PALD1: variants seen among roughly 807,000 people sequenced by gnomAD.
PALD1 encodes the protein paladin.
A neutral mutation model predicts 96.0 loss-of-function variants in PALD1; 57 were observed. The ratio of observed to expected loss-of-function variants is 0.59; its 90% CI spans 0.48 to 0.74. The LOEUF is 0.74. Ranked by LOEUF, PALD1 falls within the 30% of genes least tolerant of loss-of-function variation. The probability of loss-of-function intolerance (pLI) is 0.00; values close to 1 mark genes in which losing one functional copy is unlikely to be tolerated. For synonymous variants in PALD1, 464 were observed against 473.6 expected (o/e 0.98, Z 0.26); for missense variants, 1,063 against 1,143.7 (o/e 0.93, Z 1.02).
intron 1 of PALD1, among the ~76,000 whole-genome samples, chr10:70,497,369 G>T (rs543393951): frequency 6.6e-6 from 1 of 152,172 alleles, no homozygotes; most frequent in Non-Finnish European, 1.5e-5. Flanking sequence ...TGGGGCCGGC[G>T]CATGCCTGGC....
intron 1 of PALD1, among the ~76,000 whole-genome samples, chr10:70,503,762 A>ATTATT (rs1447673884): frequency 6.6e-6 from 1 of 152,222 alleles, no homozygotes; most frequent in Non-Finnish European, 1.5e-5. Context: ...TTTTTTATGC[A>ATTATT]GTCTGATCTG....
chr10:70,559,640 G>T (rs1280765742), intron 18 of PALD1, among the ~76,000 whole-genome samples: 3 of 152,134 alleles, frequency 2.0e-5, no homozygotes, highest in African/African-American at 7.2e-5. Context: ...TTTCCTGACT[G>T]ACTGGCCGTG....
At chr10:70,465,381 C>T in the PALD1 span, among the ~76,000 whole-genome samples, 1 of 152,036 alleles carries the variant, frequency 6.6e-6, no homozygotes, top group South Asian at 2.1e-4. Flanking sequence ...TAGACTTATC[C>T]CTGGTTACTC....
At chr10:70,561,007 G>A (rs1173676225) in intron 18 of PALD1, among the ~76,000 whole-genome samples, 1 of 152,210 alleles carries the variant, frequency 6.6e-6, no homozygotes, top group Non-Finnish European at 1.5e-5. Context: ...TCACAGACCT[G>A]TGATCCAGCA....
intron 1 of PALD1, among the ~76,000 whole-genome samples, chr10:70,488,940 A>G (rs61858138): frequency 0.15 from 21,751 of 148,402 alleles, 2,064 homozygotes; most frequent in African/African-American, 0.29. Context: ...GTATCCTCCT[A>G]CTGCTGGGGG....
chr10:70,495,476 A>G (rs1445307199), intron 1 of PALD1, among the ~76,000 whole-genome samples: 1 of 152,194 alleles, frequency 6.6e-6, no homozygotes, highest in Non-Finnish European at 1.5e-5. Flanking sequence ...GCCACCATTA[A>G]GCAGACAGGG....
intron 1 of PALD1, among the ~76,000 whole-genome samples, chr10:70,509,723 GGAGGACCTT>G (rs1467492631): frequency 6.6e-6 from 1 of 152,200 alleles, no homozygotes; most frequent in African/African-American, 2.4e-5. Context: ...TTAGGTCCTG[GGAGGACCTT>G]GAGGGCCTTG....
chr10:70,533,637 C>T (rs1847044385), intron 7 of PALD1, among the ~76,000 whole-genome samples: 1 of 152,228 alleles, frequency 6.6e-6, no homozygotes, highest in Non-Finnish European at 1.5e-5. Context: ...CCCTTCAGGG[C>T]ATTATCTTAT....
the PALD1 span, among the ~76,000 whole-genome samples, chr10:70,470,598 A>C: frequency 2.1e-5 from 3 of 144,386 alleles, no homozygotes; most frequent in East Asian, 3.9e-4. Context: ...ATAATAAATA[A>C]TATTATTTTT....
chr10:70,559,830 T>A (rs1192876093), intron 18 of PALD1, among the ~76,000 whole-genome samples: 1 of 152,094 alleles, frequency 6.6e-6, no homozygotes, highest in Admixed American at 6.5e-5. Flanking sequence ...TGCGGAGCAC[T>A]TGAGCTGCTG....
chr10:70,510,593 T>C (rs1212327779), intron 1 of PALD1, among the ~76,000 whole-genome samples: 6 of 152,182 alleles, frequency 3.9e-5, no homozygotes, highest in Non-Finnish European at 5.9e-5. Context: ...TCCTTCCTAA[T>C]TGTTACACTC....
chr10:70,467,223 G>A, the PALD1 span, among the ~76,000 whole-genome samples: 21 of 152,172 alleles, frequency 1.4e-4, no homozygotes, highest in African/African-American at 5.1e-4. Context: ...AGGCCCCCTG[G>A]GGAGCTGGAG....
intron 2 of PALD1, among the ~76,000 whole-genome samples, chr10:70,526,505 A>T (rs1476128587): frequency 6.6e-6 from 1 of 152,252 alleles, no homozygotes; most frequent in African/African-American, 2.4e-5. Context: ...GACAGTAATT[A>T]TGGCTCAAAA....
In PALD1 at chr10:70,537,888, C is replaced by A; in HGVS notation, c.1305C>A (p.Asn435Lys). Residue 435 changes from asparagine (N) to lysine (K), a missense_variant, in exon 11 of 20, where the codon AAC (asparagine) becomes AAA (lysine). By Grantham distance (94) the Asn-to-Lys change is moderately conservative. Coordinates refer to ENST00000263563, the MANE Select transcript of PALD1 (RefSeq NM_014431.3). The part of the protein sequence containing the change: ...LERYFYLILF[N>K]YYLHEQYPLA... ...GATACTTCTACCTGATCCTGTTTAA[C>A]TACTACCTTCATGAGCAGGTGGGGC... 1 of 1,612,050 alleles carries A rather than the reference C, an allele frequency of 6.2e-7. No individual in the cohort carries two copies. The highest frequency in any genetic ancestry group is 1.3e-5 in the African/African-American group (1 of 75,020).
chr10:70,479,891 C>T (rs924144238), intron 1 of PALD1, among the ~76,000 whole-genome samples: 1 of 151,998 alleles, frequency 6.6e-6, no homozygotes, highest in African/African-American at 2.4e-5. Context: ...AGGATTCTGT[C>T]CTCAGGAGGC....
At chr10:70,547,893 A>T (rs1847401400) in intron 18 of PALD1, among the ~76,000 whole-genome samples, 4 of 152,080 alleles carry the variant, frequency 2.6e-5, no homozygotes, top group Admixed American at 2.6e-4. Context: ...CACAACTAGC[A>T]CGGAGGCTGT....
intron 1 of PALD1, among the ~76,000 whole-genome samples, chr10:70,509,968 G>A (rs1846480256): frequency 6.6e-6 from 1 of 152,216 alleles, no homozygotes. Context: ...AAATAAGCGT[G>A]GGCTGTGCCG....
At chr10:70,529,208 G>GCACCCCCC in intron 2 of PALD1, 21 bp from the exon 3 acceptor site, 1 of 273,318 alleles carries the variant, frequency 3.7e-6, no homozygotes, top group African/African-American at 4.4e-5. Context: ...TTTCCATTCT[G>GCACCCCCC]CCCCCCCCCC....
In PALD1 at chr10:70,547,363, G is replaced by T. The variant is rs1235924505; in HGVS notation, c.2179G>T (p.Asp727Tyr). ...TGGGCACCGTGTGAAGAAGGAGGTG[G>T]ACGCAGCGCTGGACACTGTCAGCGA... Reference protein sequence around the residue: ...PDGHRVKKEVDAALDTVSETM... With the variant: ...PDGHRVKKEVYAALDTVSETM... Residue 727 changes from aspartate to tyrosine, a missense_variant, in exon 18 of 20, where the codon GAC becomes TAC. Coordinates refer to ENST00000263563, the MANE Select transcript of PALD1 (RefSeq NM_014431.3). The T allele has an allele frequency of 6.2e-7, 1 of 1,613,106 alleles. No homozygotes were observed. Among genetic ancestry groups the T allele is most frequent in the African/African-American group, 1.3e-5 (1 of 74,990 alleles).
Sources: allele counts gnomAD v4.1 joint callset (sites outside exome capture counted in the v4.1 genomes callset), GRCh38; gene constraint gnomAD v4.1.1; transcripts MANE v1.5; gene names NCBI Gene and HGNC (gene_info 2026-07-23, HGNC 2026-07-21).